The following DYDC1 variants were observed in gnomAD, a reference collection of about 807,000 sequenced individuals.
DYDC1 encodes DPY30 domain containing 1, also known as DPY30 domain-containing protein 1.
In DYDC1, 21 loss-of-function variants were observed where a neutral mutation model predicts 27.9. That is an observed-to-expected ratio of 0.75 (90% CI 0.53 to 1.08). DYDC1 has a LOEUF of 1.08. Ranked by LOEUF, DYDC1 falls within the 50% of genes least tolerant of loss-of-function variation. The probability of loss-of-function intolerance (pLI) is 0.00; values close to 1 mark genes in which losing one functional copy is unlikely to be tolerated. For synonymous variants in DYDC1, 67 were observed against 65.8 expected (o/e 1.02, Z -0.09); for missense variants, 202 against 205.9 (o/e 0.98, Z 0.12).
intron 6 of DYDC1, chr10:80,338,019 C>T: frequency 1.1e-6 from 1 of 942,408 alleles, no homozygotes; most frequent in Non-Finnish European, 1.3e-6. Context: ...CTGCCTTATT[C>T]ACCACAGCAT....
chr10:80,340,393 G>C (rs1424095566), intron 4 of DYDC1, among the ~76,000 whole-genome samples: 1 of 152,166 alleles, frequency 6.6e-6, no homozygotes, highest in East Asian at 1.9e-4. Context: ...TACTTTGCAG[G>C]GGACTACCTA....
At position 80,356,731 on chromosome 10, in the gene DYDC1, C is replaced by A. The variant is rs1025625784; in HGVS notation, c.-29G>T. 3 of 985,314 alleles carry A rather than the reference C, an allele frequency of 3.0e-6. No homozygotes were observed. The highest frequency in any genetic ancestry group is 3.6e-6 in the Non-Finnish European group (3 of 829,844). The allele number at this position is 985,314 out of a possible 1,614,324, so 61.0% of individuals were successfully genotyped here. On this transcript the variant is annotated 5_prime_UTR_variant, in exon 1 of 7. Transcript: ENST00000372202. ...GCTCACCCCTACACACGCGCCTGCT[C>A]GCCACCCAGGAGCGGCGTCCCGTTG...
chr10:80,352,421 T>C (rs756791007), intron 2 of DYDC1, 34 bp downstream of exon 2: 33 of 1,526,924 alleles, frequency 2.2e-5, no homozygotes, highest in Non-Finnish European at 8.8e-6. Flanking sequence ...CAGTTTTTTT[T>C]CTTCTAATTT....
At chr10:80,337,144 C>A in intron 6 of DYDC1, 1 of 985,434 alleles carries the variant, frequency 1.0e-6, no homozygotes, top group Non-Finnish European at 1.2e-6. Flanking sequence ...TGTCTCTTTC[C>A]TCTGGGCTCA....
chr10:80,352,113 A>G lies in DYDC1; in HGVS notation c.148-111T>C, dbSNP rs756182899. The G allele has an allele frequency of 3.6e-5, 34 of 955,818 alleles. No homozygotes were observed. The African/African-American group carries it at 5.2e-4, about 15-fold the overall frequency. 59.2% of individuals were successfully genotyped at this position (955,818 alleles called of 1,614,324 possible). ...AATTAGGGAAAGTGTTAAGCAAATTATAGCCCATCCCTGTGGAAATGATAT... is the reference window on the plus strand; with the variant it reads ...AATTAGGGAAAGTGTTAAGCAAATTGTAGCCCATCCCTGTGGAAATGATAT... On this transcript the variant is annotated intron_variant, in intron 2 of 6. Transcript: ENST00000372202.
intron 3 of DYDC1, 93 bp from the exon 4 acceptor site, chr10:80,342,454 G>T: frequency 8.7e-7 from 1 of 1,147,380 alleles, no homozygotes; most frequent in Non-Finnish European, 1.2e-6. Context: ...TACAATACAT[G>T]GTCACATCCA....
chr10:80,338,783 T>C (rs951678494), intron 5 of DYDC1, among the ~76,000 whole-genome samples: 12 of 152,192 alleles, frequency 7.9e-5, no homozygotes, highest in Non-Finnish European at 1.5e-5. Context: ...TAATAAATAC[T>C]AGAACTTTTT....
At position 80,347,251 on chromosome 10, in the gene DYDC1, C is replaced by T. The variant is rs188040443; in HGVS notation, c.249+4650G>A. On this transcript the variant is annotated intron_variant, in intron 3 of 6. Coordinates refer to ENST00000372202, the MANE Select transcript of DYDC1 (RefSeq NM_001269053.2). ...CCTTGGAGAAATGTCTATTTAGGTC[C>T]TTTGCCCATTTTTTAATTGGGATCC... 3.7e-3 allele frequency among the ~76,000 whole-genome samples: 485 copies of T among 129,372 alleles called. 1 individual carries two copies. Among genetic ancestry groups the T allele is most frequent in the Non-Finnish European group, 5.1e-3 (306 of 60,284 alleles). 84.9% of individuals were successfully genotyped at this position (129,372 alleles called of 152,430 possible). A position where few individuals can be genotyped will look rare whatever the true frequency, so the allele number is the denominator to read the frequency against.
chr10:80,356,627 G>T (rs1589527488), intron 1 of DYDC1, 85 bp downstream of exon 1: 1 of 985,402 alleles, frequency 1.0e-6, no homozygotes, highest in Non-Finnish European at 1.2e-6. Flanking sequence ...AAGGCCCAAC[G>T]GTCAGAACCG....
intron 6 of DYDC1, among the ~76,000 whole-genome samples, chr10:80,336,801 G>A (rs1012534023): frequency 2.5e-4 from 38 of 152,172 alleles, no homozygotes; most frequent in African/African-American, 8.4e-4. Context: ...GATCCTGTAA[G>A]CCAATCTTAA....
intron 6 of DYDC1, chr10:80,336,452 A>G (rs981043825): frequency 7.5e-5 from 51 of 675,806 alleles, no homozygotes; most frequent in Non-Finnish European, 8.9e-5. Flanking sequence ...CATCCCTTCA[A>G]TGTTAGAATT....
chr10:80,339,056 CA>C, intron 5 of DYDC1, 40 bp downstream of exon 5: 1 of 1,125,854 alleles, frequency 8.9e-7, no homozygotes, highest in Non-Finnish European at 1.3e-6. Context: ...CTAGGATACT[CA>C]ATTCATTTCA....
At chr10:80,349,124 C>A (rs1842838939) in intron 3 of DYDC1, among the ~76,000 whole-genome samples, 2 of 152,156 alleles carry the variant, frequency 1.3e-5, no homozygotes, top group Admixed American at 6.5e-5. Flanking sequence ...ATCTCCTGAC[C>A]CTGTGATCCG....
chr10:80,354,667 C>T (rs768804222), intron 1 of DYDC1, among the ~76,000 whole-genome samples: 1 of 152,066 alleles, frequency 6.6e-6, no homozygotes, highest in African/African-American at 2.4e-5. Context: ...TAGTGTGGAG[C>T]CGTCATGCAT....
chr10:80,355,762 G>A (rs968306338), intron 1 of DYDC1, among the ~76,000 whole-genome samples: 1 of 152,172 alleles, frequency 6.6e-6, no homozygotes, highest in Non-Finnish European at 1.5e-5. Context: ...GAATGTGTAT[G>A]TGTGTATATG....
At chr10:80,342,129 C>A (rs1842348928) in intron 4 of DYDC1, 140 bp downstream of exon 4, 1 of 707,046 alleles carries the variant, frequency 1.4e-6, no homozygotes, top group African/African-American at 1.8e-5. Context: ...GGTTATGAGA[C>A]TTGTTTAGCT....
chr10:80,347,588 C>G (rs1352692631), intron 3 of DYDC1, among the ~76,000 whole-genome samples: 3 of 152,108 alleles, frequency 2.0e-5, no homozygotes, highest in Non-Finnish European at 4.4e-5. Flanking sequence ...AGTTTCAGGT[C>G]TTCCATTTAG....
At chr10:80,338,028 A>G (rs1461592916) in intron 6 of DYDC1, 1 of 961,018 alleles carries the variant, frequency 1.0e-6, no homozygotes, top group African/African-American at 1.8e-5. Context: ...TCACCACAGC[A>G]TCAGGCACAG....
intron 3 of DYDC1, among the ~76,000 whole-genome samples, chr10:80,350,108 C>A (rs1842897898): frequency 6.6e-6 from 1 of 151,752 alleles, no homozygotes; most frequent in Non-Finnish European, 1.5e-5. Flanking sequence ...TCTCTCCTAT[C>A]TATTTCTGCA....
Sources: allele counts gnomAD v4.1 joint callset (sites outside exome capture counted in the v4.1 genomes callset), GRCh38; gene constraint gnomAD v4.1.1; transcripts MANE v1.5; gene names NCBI Gene and HGNC (gene_info 2026-07-23, HGNC 2026-07-21).